PRKN: variants seen among roughly 807,000 people sequenced by gnomAD.
The protein encoded by PRKN is E3 ubiquitin-protein ligase parkin.
A neutral mutation model predicts 59.5 loss-of-function variants in PRKN; 56 were observed. The observed-to-expected ratio is 0.94, with a 90% CI of 0.76 to 1.18. PRKN has a LOEUF of 1.18. PRKN is among the 50% of genes most tolerant of loss of function. PRKN has a pLI of 0.00. For synonymous variants in PRKN, 250 were observed against 222.1 expected (o/e 1.13, Z -1.12); for missense variants, 657 against 596.4 (o/e 1.10, Z -1.06).
At chr6:162,650,783 G>A (rs1778399314) in intron 1 of PRKN, among the ~76,000 whole-genome samples, 1 of 152,108 alleles carries the variant, frequency 6.6e-6, no homozygotes, top group Non-Finnish European at 1.5e-5. Context: ...CATTCTCTTG[G>A]AGTCTTCCTA....
intron 2 of PRKN, chr6:162,263,128 G>T (rs2128100359): frequency 3.1e-6 from 1 of 326,704 alleles, no homozygotes; most frequent in Admixed American, 4.6e-5. Context: ...CATCCAGGCT[G>T]GAGTGCAGTG....
chr6:161,969,913 T>G (rs1472948022), intron 6 of PRKN, among the ~76,000 whole-genome samples: 1 of 152,214 alleles, frequency 6.6e-6, no homozygotes, highest in African/African-American at 2.4e-5. Flanking sequence ...TTTTTCATGG[T>G]TGTGTGACAA....
chr6:161,464,846 T>C (rs995553830), intron 9 of PRKN, among the ~76,000 whole-genome samples: 4 of 152,180 alleles, frequency 2.6e-5, no homozygotes, highest in African/African-American at 9.7e-5. Flanking sequence ...CATCAGGCAA[T>C]ACACAAGTTC....
chr6:161,509,607 C>T (rs952507405), intron 9 of PRKN, among the ~76,000 whole-genome samples: 5 of 140,754 alleles, frequency 3.6e-5, no homozygotes, highest in African/African-American at 1.3e-4. Flanking sequence ...AGGCTGGGCA[C>T]GGTGGCTTAC....
At chr6:161,991,319 A>G (rs1223323172) in intron 5 of PRKN, among the ~76,000 whole-genome samples, 4 of 152,192 alleles carry the variant, frequency 2.6e-5, no homozygotes, top group African/African-American at 7.2e-5. Context: ...TCAATGGTAG[A>G]GCAGACACAC....
chr6:162,092,404 A>G (rs4288183), intron 4 of PRKN, among the ~76,000 whole-genome samples: 91,485 of 152,100 alleles, frequency 0.6, 27,674 homozygotes, highest in East Asian at 0.8. Context: ...CAGTTGAAGC[A>G]ATAAATTTTG....
intron 4 of PRKN, among the ~76,000 whole-genome samples, chr6:162,084,799 A>C (rs1779189232): frequency 6.6e-6 from 1 of 152,018 alleles, no homozygotes; most frequent in Admixed American, 6.6e-5. Context: ...AACTTCAGTT[A>C]TAAGGCAATT....
At chr6:161,887,273 G>A (rs1189570284) in intron 6 of PRKN, among the ~76,000 whole-genome samples, 1 of 152,076 alleles carries the variant, frequency 6.6e-6, no homozygotes, top group Admixed American at 6.5e-5. Context: ...AGTACTGGAA[G>A]AGTATTCACT....
chr6:161,607,060 C>T (rs553464470), intron 7 of PRKN, among the ~76,000 whole-genome samples: 12 of 152,220 alleles, frequency 7.9e-5, no homozygotes, highest in African/African-American at 2.9e-4. Context: ...TCCAGACTGA[C>T]GGCATCCAGA....
chr6:162,668,012 A>C (rs1779169498), intron 1 of PRKN, among the ~76,000 whole-genome samples: 1 of 152,198 alleles, frequency 6.6e-6, no homozygotes. Flanking sequence ...GAGGAAAAAA[A>C]TCTATTTTTC....
At chr6:161,922,316 G>A (rs1383204099) in intron 6 of PRKN, among the ~76,000 whole-genome samples, 3 of 152,096 alleles carry the variant, frequency 2.0e-5, no homozygotes, top group Non-Finnish European at 2.9e-5. Context: ...ACCCCTCAGT[G>A]TGTCCCCACT....
intron 4 of PRKN, among the ~76,000 whole-genome samples, chr6:162,146,356 G>A (rs1288416752): frequency 2.0e-5 from 3 of 151,802 alleles, no homozygotes; most frequent in Non-Finnish European, 4.4e-5. Context: ...CAAGTGTGCT[G>A]TAAATTTTAT....
At chr6:161,785,974 G>T in intron 6 of PRKN, 66 bp from the exon 7 acceptor site, 1 of 1,533,706 alleles carries the variant, frequency 6.5e-7, no homozygotes, top group South Asian at 1.1e-5. Context: ...ACGTGCTTTA[G>T]ACCAATTTCT....
At chr6:161,975,994 C>G (rs1234678430) in intron 5 of PRKN, among the ~76,000 whole-genome samples, 1 of 152,142 alleles carries the variant, frequency 6.6e-6, no homozygotes, top group Non-Finnish European at 1.5e-5. Flanking sequence ...CAACCTCCGC[C>G]TCCCAGGTTC....
intron 6 of PRKN, among the ~76,000 whole-genome samples, chr6:161,886,242 G>A (rs977851000): frequency 6.6e-6 from 1 of 152,088 alleles, no homozygotes; most frequent in African/African-American, 2.4e-5. Flanking sequence ...GCATGAATTC[G>A]ACGAAATACA....
intron 2 of PRKN, among the ~76,000 whole-genome samples, chr6:162,396,656 T>G (rs1787490241): frequency 6.6e-6 from 1 of 152,168 alleles, no homozygotes; most frequent in African/African-American, 2.4e-5. Flanking sequence ...GTAAAGCCAC[T>G]GGAACTATTG....
chr6:161,673,607 C>T (rs1004576029), intron 7 of PRKN, among the ~76,000 whole-genome samples: 2 of 152,194 alleles, frequency 1.3e-5, no homozygotes, highest in African/African-American at 4.8e-5. Flanking sequence ...TTTAAAATGA[C>T]TGCTCTGGCA....
intron 4 of PRKN, among the ~76,000 whole-genome samples, chr6:162,118,574 T>G (rs1780775040): frequency 1.3e-5 from 2 of 152,158 alleles, no homozygotes; most frequent in African/African-American, 4.8e-5. Context: ...GGCTGCTCAG[T>G]CAATGCCAAG....
At chr6:162,582,925 C>T (rs1780845399) in intron 1 of PRKN, among the ~76,000 whole-genome samples, 1 of 152,090 alleles carries the variant, frequency 6.6e-6, no homozygotes, top group East Asian at 1.9e-4. Flanking sequence ...ATGTCTGTCC[C>T]CTTCAAAACT....
Sources: gnomAD v4.1 joint callset for allele counts (sites outside exome capture counted in the v4.1 genomes callset) on GRCh38, gnomAD v4.1.1 for gene constraint, MANE v1.5 for transcripts, NCBI Gene and HGNC (gene_info 2026-07-23, HGNC 2026-07-21) for gene names.